CDV3: variants seen among roughly 807,000 people sequenced by gnomAD.
CDV3 encodes the protein protein CDV3 homolog.
A neutral mutation model predicts 24.5 loss-of-function variants in CDV3; 14 were observed. The observed-to-expected ratio is 0.57, with a 90% CI of 0.38 to 0.89. CDV3 has a LOEUF of 0.89. Ranked by LOEUF, CDV3 falls within the 40% of genes least tolerant of loss-of-function variation. CDV3 has a pLI of 0.00. For synonymous variants in CDV3, 114 were observed against 114.1 expected, an observed-to-expected ratio of 1.00 and a Z score of 0.00; for missense variants, 304 against 310.2, an observed-to-expected ratio of 0.98 and a Z score of 0.15.
At chr3:133,577,371 T>A (rs925209155) in intron 2 of CDV3, among the ~76,000 whole-genome samples, 2 of 151,950 alleles carry the variant, frequency 1.3e-5, no homozygotes, top group African/African-American at 4.8e-5. Flanking sequence ...TTTCTTTTTT[T>A]TTTTTTGAGA....
intron 2 of CDV3, among the ~76,000 whole-genome samples, chr3:133,581,921 A>G (rs1933066661): frequency 6.6e-6 from 1 of 152,204 alleles, no homozygotes. Context: ...AAACTGAGAG[A>G]TGGCTTGGCT....
Position 133,575,169 on chromosome 3 carries a change from C to T in CDV3, c.317+54C>T. 4 of 965,316 alleles carry T rather than the reference C, an allele frequency of 4.1e-6. No homozygotes were observed. The South Asian group carries it at 5.3e-5, about 13-fold the overall frequency. The allele number at this position is 965,316 out of a possible 1,614,324, so 59.8% of individuals were successfully genotyped here. A position where few individuals can be genotyped will look rare whatever the true frequency, so the allele number is the denominator to read the frequency against. Reference sequence around the variant, plus strand: ...TAACCTTTGGGATAGATATTGGATACAAGTTAGGTTTTCCTTTGGCCCCAA... The same window carrying T: ...TAACCTTTGGGATAGATATTGGATATAAGTTAGGTTTTCCTTTGGCCCCAA... On this transcript the variant is annotated intron_variant, in intron 2 of 4. Transcript: ENST00000264993.
chr3:133,574,936 T>C (rs1241924759), intron 1 of CDV3, 103 bp from the exon 2 acceptor site: 1 of 806,616 alleles, frequency 1.2e-6, no homozygotes, highest in African/African-American at 1.7e-5. Flanking sequence ...AGTACATACT[T>C]AGTTTAGGTT....
chr3:133,587,695 T>A, intron 4 of CDV3: 2 of 1,354,630 alleles, frequency 1.5e-6, no homozygotes, highest in Non-Finnish European at 1.9e-6. Flanking sequence ...GATAGGACCC[T>A]AGAGCTTCAA....
chr3:133,575,000 C>G (rs745992677), intron 1 of CDV3, 39 bp from the exon 2 acceptor site: 1 of 1,282,726 alleles, frequency 7.8e-7, no homozygotes, highest in Non-Finnish European at 1.1e-6. Flanking sequence ...TATATGTCTA[C>G]AAATAGCTTT....
intron 3 of CDV3, among the ~76,000 whole-genome samples, chr3:133,585,420 A>T (rs1933490865): frequency 6.6e-6 from 1 of 152,086 alleles, no homozygotes; most frequent in African/African-American, 2.4e-5. Context: ...ACTTCAAGTG[A>T]TCTGCCCGCC....
At position 133,589,749 on chromosome 3, in the gene CDV3, C is replaced by A. The variant is rs969291143; in HGVS notation, c.*1703C>A. ...TACAGTATCTCCTGACGGGACCTGCCACTCGCATCTGGGCAATGTTGACAT... is the reference window on the plus strand; with the variant it reads ...TACAGTATCTCCTGACGGGACCTGCAACTCGCATCTGGGCAATGTTGACAT... On this transcript the variant is annotated 3_prime_UTR_variant, in exon 5 of 5. Coordinates refer to ENST00000264993, the MANE Select transcript of CDV3 (RefSeq NM_017548.5). 7 of 152,558 alleles carry A rather than the reference C, an allele frequency of 4.6e-5. No homozygotes were observed. Among genetic ancestry groups the A allele is most frequent in the Non-Finnish European group, 8.8e-5 (6 of 68,044 alleles). 9.5% of individuals were successfully genotyped at this position (152,558 alleles called of 1,614,324 possible).
In CDV3 at chr3:133,586,590, C is replaced by G; in HGVS notation, c.494C>G (p.Thr165Ser). The G allele has an allele frequency of 6.3e-7, 1 of 1,596,074 alleles. No homozygotes were observed. The highest frequency in any genetic ancestry group is 8.6e-7 in the Non-Finnish European group (1 of 1,163,784). Residue 165 changes from threonine (T) to serine (S), a missense_variant, in exon 4 of 5, where the codon ACT (threonine) becomes AGT (serine). Thr to Ser is a moderately conservative substitution (Grantham distance 58, BLOSUM62 1). Transcript: ENST00000264993. ...ACAGAAACCCCAGAACCAGCGATGA[C>G]TAGTGGTGTGTATAGGCCTCCTGGG... Reference protein sequence around the residue: ...IVTETPEPAMTSGVYRPPGAR... With the variant: ...IVTETPEPAMSSGVYRPPGAR...
rs569567034 is a variant in CDV3, at chr3:133,576,123, G to A, written c.317+1008G>A. ...CTCAAAAAGCAGGGTTAATATTATT[G>A]ACATTTGTTGAACACCTACCACAGC... On this transcript the variant is annotated intron_variant, in intron 2 of 4. Transcript: ENST00000264993. 2.7e-3 allele frequency among the ~76,000 whole-genome samples: 417 copies of A among 152,290 alleles called. 4 individuals are homozygous for A. The highest frequency in any genetic ancestry group is 0.017 in the South Asian group (83 of 4,830).
chr3:133,588,090 T>C lies in CDV3; in HGVS notation c.*44T>C. 6.3e-7 allele frequency: 1 copy of C among 1,594,582 alleles called. No individual in the cohort carries two copies. The highest frequency in any genetic ancestry group is 1.1e-5 in the South Asian group (1 of 88,682). ...CCTTCTGAGGTAACTAGACTGCAGC[T>C]AACCACCACCAACAGCCATTCATCA... On this transcript the variant is annotated 3_prime_UTR_variant, in exon 5 of 5. Coordinates refer to ENST00000264993, the MANE Select transcript of CDV3 (RefSeq NM_017548.5).
intron 2 of CDV3, 112 bp from the exon 3 acceptor site, chr3:133,583,890 G>A (rs529967304): frequency 2.7e-5 from 20 of 732,086 alleles, no homozygotes; most frequent in African/African-American, 2.0e-4. Flanking sequence ...GTTCAGTCTC[G>A]AAAGAGATTG....
chr3:133,586,513 A>C (rs768148846), intron 3 of CDV3, 50 bp from the exon 4 acceptor site: 2 of 954,706 alleles, frequency 2.1e-6, no homozygotes, highest in South Asian at 1.5e-5. Context: ...TAGCTTATTA[A>C]AATGCTGAGC....
intron 1 of CDV3, chr3:133,574,823 A>G (rs770793053): frequency 1.1e-4 from 87 of 799,894 alleles, no homozygotes; most frequent in Admixed American, 3.2e-4. Context: ...AACAGCTCCC[A>G]TGCAGGAACC....
intron 3 of CDV3, 77 bp downstream of exon 3, chr3:133,584,227 G>C: frequency 9.2e-7 from 1 of 1,086,254 alleles, no homozygotes; most frequent in Non-Finnish European, 1.4e-6. Flanking sequence ...TCAACTAAGT[G>C]CATGATTGTG....
chr3:133,577,944 T>G (rs1000591754), intron 2 of CDV3, among the ~76,000 whole-genome samples: 3 of 152,196 alleles, frequency 2.0e-5, no homozygotes, highest in African/African-American at 7.2e-5. Flanking sequence ...GGCTGTCATT[T>G]GAGTTAGATC....
Position 133,584,141 on chromosome 3 carries a change from C to T in CDV3, c.457C>T (p.Pro153Ser), listed in dbSNP as rs187565189. ...AGCTCCAGTACAAGCACCTCCTGCT[C>T]CAGTAATTGGTAATTTTACTATTTC... Reference protein sequence around the residue: ...KTAPVQAPPAPVIVTETPEPA... With the variant: ...KTAPVQAPPASVIVTETPEPA... Residue 153 changes from proline to serine, a missense_variant, in exon 3 of 5, where the codon CCA (proline) becomes TCA (serine). Around this residue, in one of 3 missense-constraint regions of CDV3, gnomAD observed 219 missense variants for 203.6 expected, o/e 1.08. Transcript: ENST00000264993. 667 of 1,591,272 alleles carry T rather than the reference C, an allele frequency of 4.2e-4. 7 individuals carry two copies. In the East Asian group the frequency reaches 0.013, roughly 31 times the overall value.
chr3:133,587,273 A>C (rs1933707590), intron 4 of CDV3: 1 of 1,280,642 alleles, frequency 7.8e-7, no homozygotes, highest in Non-Finnish European at 1.0e-6. Context: ...AATGTAAATG[A>C]CATCAGATGG....
At chr3:133,574,921 A>G (rs778544757) in intron 1 of CDV3, 118 bp from the exon 2 acceptor site, 3 of 756,368 alleles carry the variant, frequency 4.0e-6, no homozygotes, top group Non-Finnish European at 6.6e-6. Context: ...TTTGACCAGA[A>G]GACAAGTACA....
At chr3:133,574,741 A>AGC (rs1272757312) in intron 1 of CDV3, 1 of 1,072,670 alleles carries the variant, frequency 9.3e-7, no homozygotes, top group East Asian at 6.8e-5. Flanking sequence ...CTCGGTGGCA[A>AGC]GGTTGAAGTA....
Sources: gnomAD v4.1 joint callset for allele counts (sites outside exome capture counted in the v4.1 genomes callset) on GRCh38, gnomAD v4.1.1 for gene constraint, gnomAD v4.1.1 regional missense constraint, MANE v1.5 for transcripts, NCBI Gene and HGNC (gene_info 2026-07-23, HGNC 2026-07-21) for gene names.